The following RPRD1A variants were observed in gnomAD, a reference collection of about 807,000 sequenced individuals.
RPRD1A encodes regulation of nuclear pre-mRNA domain containing 1A, also known as regulation of nuclear pre-mRNA domain-containing protein 1A.
RPRD1A carries 9 observed loss-of-function variants against 37.8 expected under a neutral mutation model. The ratio of observed to expected loss-of-function variants is 0.24; its 90% CI spans 0.14 to 0.42. The LOEUF is 0.42. RPRD1A is among the 10% of genes least tolerant of loss of function. The pLI is 1.00. For synonymous variants in RPRD1A, 138 were observed against 139.7 expected (o/e 0.99, Z 0.08); for missense variants, 255 against 371.0 (o/e 0.69, Z 2.57).
At chr18:36,062,242 G>A (rs529479456) in intron 1 of RPRD1A, among the ~76,000 whole-genome samples, 17 of 150,196 alleles carry the variant, frequency 1.1e-4, no homozygotes, top group East Asian at 3.9e-4. Context: ...GCGTGAACCC[G>A]GGAAGCGGAG....
chr18:35,991,169 T>A lies in RPRD1A; in HGVS notation c.*1982A>T, dbSNP rs1056084276. The A allele has an allele frequency of 7.2e-5, 11 of 152,098 alleles. No individual in the cohort carries two copies. Among genetic ancestry groups the A allele is most frequent in the Non-Finnish European group, 1.3e-4 (9 of 68,020 alleles). 9.4% of individuals were successfully genotyped at this position (152,098 alleles called of 1,614,324 possible). On this transcript the variant is annotated 3_prime_UTR_variant, in exon 7 of 7. Coordinates refer to ENST00000399022, the MANE Select transcript of RPRD1A (RefSeq NM_018170.5). ...TAAATTAGTTTTAAATGGAAAAAAATATATATTTTGAATGGATAAATCACC... is the reference window on the plus strand; with the variant it reads ...TAAATTAGTTTTAAATGGAAAAAAAAATATATTTTGAATGGATAAATCACC...
intron 6 of RPRD1A, among the ~76,000 whole-genome samples, chr18:36,016,610 A>G (rs1022792673): frequency 5.3e-5 from 8 of 152,170 alleles, no homozygotes; most frequent in Admixed American, 2.0e-4. Context: ...GGAATTTATG[A>G]GAAGACTATC....
chr18:35,998,435 G>C (rs564878769), intron 6 of RPRD1A, among the ~76,000 whole-genome samples: 1 of 152,260 alleles, frequency 6.6e-6, no homozygotes, highest in East Asian at 1.9e-4. Context: ...GGGAACCAAT[G>C]CTTTACCTCA....
intron 6 of RPRD1A, among the ~76,000 whole-genome samples, chr18:36,006,725 C>T (rs1484057012): frequency 6.6e-6 from 1 of 152,166 alleles, no homozygotes; most frequent in Non-Finnish European, 1.5e-5. Context: ...GGAAATGGTG[C>T]TGGATGATTA....
intron 1 of RPRD1A, among the ~76,000 whole-genome samples, chr18:36,035,887 A>G (rs1483724655): frequency 6.6e-6 from 1 of 152,194 alleles, no homozygotes; most frequent in African/African-American, 2.4e-5. Context: ...AGGTACTCAA[A>G]TTCATAGAAA....
intron 1 of RPRD1A, among the ~76,000 whole-genome samples, chr18:36,041,412 C>G (rs950406996): frequency 6.6e-6 from 1 of 152,166 alleles, no homozygotes; most frequent in Non-Finnish European, 1.5e-5. Flanking sequence ...CTCCAACTTA[C>G]TAGATTCTCT....
intron 1 of RPRD1A, among the ~76,000 whole-genome samples, chr18:36,042,961 G>C (rs1912688164): frequency 6.6e-6 from 1 of 152,036 alleles, no homozygotes; most frequent in South Asian, 2.1e-4. Flanking sequence ...TATGGATATG[G>C]ATATATTTCT....
At chr18:36,029,930 C>A (rs1186066836) in intron 4 of RPRD1A, among the ~76,000 whole-genome samples, 1 of 151,446 alleles carries the variant, frequency 6.6e-6, no homozygotes, top group Non-Finnish European at 1.5e-5. Flanking sequence ...CTCAGCCTCC[C>A]GAGTAGCTGG....
chr18:36,049,239 C>T (rs1480403745), intron 1 of RPRD1A, among the ~76,000 whole-genome samples: 1 of 152,200 alleles, frequency 6.6e-6, no homozygotes, highest in Non-Finnish European at 1.5e-5. Flanking sequence ...AATGCACACA[C>T]ACAAAAATGT....
At chr18:36,026,650 T>C (rs1911390009) in intron 6 of RPRD1A, 3 of 353,472 alleles carry the variant, frequency 8.5e-6, no homozygotes, top group East Asian at 5.0e-5. Context: ...TATAGTTGCA[T>C]GGAATTTCAC....
rs1908797073 is a variant in RPRD1A, at chr18:35,992,949, T to C, written c.*202A>G. ...TGAGCTTATTAATACACACAAATCA[T>C]CACTTTGTTCAAATTAAGTCATGTT... On this transcript the variant is annotated 3_prime_UTR_variant, in exon 7 of 7. Coordinates refer to ENST00000399022, the MANE Select transcript of RPRD1A (RefSeq NM_018170.5). 2.4e-6 allele frequency: 1 copy of C among 408,854 alleles called. No homozygotes were observed. The highest frequency in any genetic ancestry group is 4.2e-6 in the Non-Finnish European group (1 of 236,728). 25.3% of individuals were successfully genotyped at this position (408,854 alleles called of 1,614,324 possible). A position where few individuals can be genotyped will look rare whatever the true frequency, so the allele number is the denominator to read the frequency against.
intron 6 of RPRD1A, among the ~76,000 whole-genome samples, chr18:36,012,387 TAA>T (rs1014407111): frequency 1.3e-5 from 2 of 152,040 alleles, no homozygotes; most frequent in Non-Finnish European, 2.9e-5. Flanking sequence ...ATATACTCTA[TAA>T]AAAAAAGTTA....
At chr18:36,049,638 A>C (rs1778088409) in intron 1 of RPRD1A, among the ~76,000 whole-genome samples, 1 of 152,228 alleles carries the variant, frequency 6.6e-6, no homozygotes, top group African/African-American at 2.4e-5. Flanking sequence ...AGCATGTGTC[A>C]GAATATCCTT....
intron 6 of RPRD1A, among the ~76,000 whole-genome samples, chr18:36,008,577 G>GTGTGTGTGTGTGTGTATATA: frequency 2.1e-5 from 1 of 47,800 alleles, no homozygotes; most frequent in South Asian, 9.1e-4. Context: ...CCTTGTGTGT[G>GTGTGTGTGTGTGTGTATATA]TATATATATA....
At chr18:36,042,779 T>C (rs999173233) in intron 1 of RPRD1A, among the ~76,000 whole-genome samples, 1 of 152,166 alleles carries the variant, frequency 6.6e-6, no homozygotes, top group Non-Finnish European at 1.5e-5. Context: ...TGACACCAAC[T>C]AAAATTGACA....
In RPRD1A at chr18:36,067,544, C is replaced by T; in HGVS notation, c.-140G>A. On this transcript the variant is annotated 5_prime_UTR_variant, in exon 1 of 7. Coordinates refer to ENST00000399022, the MANE Select transcript of RPRD1A (RefSeq NM_018170.5). The stretch of plus-strand genomic sequence containing the variant: ...GGCCGCCGCTTCATCCAAGACCGGC[C>T]GCAAACCAGCAAGATGGCGTCCGGC... 5.0e-6 allele frequency: 4 copies of T among 800,510 alleles called. 1 individual carries two copies. Among genetic ancestry groups the T allele is most frequent in the Admixed American group, 3.3e-5 (1 of 29,914 alleles). The allele number at this position is 800,510 out of a possible 1,614,324, so 49.6% of individuals were successfully genotyped here.
At chr18:36,008,577 G>GTGTATATATATATATATATATA in intron 6 of RPRD1A, among the ~76,000 whole-genome samples, 9 of 47,800 alleles carry the variant, frequency 1.9e-4, no homozygotes, top group African/African-American at 6.1e-4. Context: ...CCTTGTGTGT[G>GTGTATATATATATATATATATA]TATATATATA....
At chr18:36,002,038 G>GT (rs199819973) in intron 6 of RPRD1A, among the ~76,000 whole-genome samples, 1 of 150,958 alleles carries the variant, frequency 6.6e-6, no homozygotes, top group African/African-American at 2.4e-5. Flanking sequence ...TTCTTTCAAG[G>GT]TTTTACTTTG....
chr18:36,018,888 T>C (rs1910791729), intron 6 of RPRD1A, among the ~76,000 whole-genome samples: 2 of 152,042 alleles, frequency 1.3e-5, no homozygotes, highest in Non-Finnish European at 2.9e-5. Flanking sequence ...GACATAGGAA[T>C]ATAAACCTGA....
Sources: allele counts gnomAD v4.1 joint callset (sites outside exome capture counted in the v4.1 genomes callset), GRCh38; gene constraint gnomAD v4.1.1; transcripts MANE v1.5; gene names NCBI Gene and HGNC (gene_info 2026-07-23, HGNC 2026-07-21).